MED9: variants seen among roughly 807,000 people sequenced by gnomAD.
The protein encoded by MED9 is mediator of RNA polymerase II transcription subunit 9.
In MED9, 8 loss-of-function variants were observed where a neutral mutation model predicts 13.2. The observed-to-expected ratio is 0.61, with a 90% CI of 0.36 to 1.10. The LOEUF is 1.10. Among genes scored for constraint, MED9 ranks in the 50% least tolerant of loss-of-function variants. MED9 has a pLI of 0.02. For missense variants in MED9, 180 were observed against 193.4 expected (o/e 0.93, Z 0.41); for synonymous variants, 87 against 82.8 (o/e 1.05, Z -0.28).
intron 1 of MED9, chr17:17,485,469 A>G: frequency 2.6e-6 from 1 of 386,846 alleles, no homozygotes; most frequent in Non-Finnish European, 4.6e-6. Context: ...AGAGGGGAGG[A>G]CCTGGGTCCA....
At chr17:17,480,964 G>T (rs2142470317) in intron 1 of MED9, among the ~76,000 whole-genome samples, 1 of 152,214 alleles carries the variant, frequency 6.6e-6, no homozygotes, top group East Asian at 1.9e-4. Context: ...AGGAAAGGGA[G>T]GCAGGAGGAA....
chr17:17,487,516 G>A (rs963222258), intron 1 of MED9: 10 of 157,504 alleles, frequency 6.3e-5, no homozygotes, highest in South Asian at 1.8e-4. Context: ...GAGCTGTAAC[G>A]CACACCGCGA....
At chr17:17,490,827 A>G (rs1215916240) in intron 1 of MED9, among the ~76,000 whole-genome samples, 1 of 152,244 alleles carries the variant, frequency 6.6e-6, no homozygotes, top group East Asian at 1.9e-4. Flanking sequence ...GTCGTATTTC[A>G]ACAAGTTTTG....
Position 17,479,519 on chromosome 17 carries a change from T to A in MED9, c.224+2254T>A, listed in dbSNP as rs1431785851. On this transcript the variant is annotated intron_variant, in intron 1 of 1. Transcript: ENST00000268711. ...ATCTAAAAGGACAGAGAAGGGAGTT[T>A]AAAAAAAAAAAAAAGCATAAAACCT... 9.0e-5 allele frequency among the ~76,000 whole-genome samples: 13 copies of A among 145,010 alleles called. No individual in the cohort carries two copies. In the South Asian group the frequency reaches 1.3e-3, roughly 15 times the overall value.
At chr17:17,489,482 G>GT (rs1362569631) in intron 1 of MED9, among the ~76,000 whole-genome samples, 2 of 152,100 alleles carry the variant, frequency 1.3e-5, no homozygotes, top group Non-Finnish European at 2.9e-5. Flanking sequence ...ATGTGAGTCG[G>GT]TTTTTTTAAA....
chr17:17,477,213 A>C lies in MED9; in HGVS notation c.172A>C (p.Arg58=), dbSNP rs201898953. The C allele has an allele frequency of 4.5e-5, 72 of 1,610,452 alleles. No individual in the cohort carries two copies. In the East Asian group the frequency reaches 1.1e-3, roughly 25 times the overall value. Reference sequence around the variant, plus strand: ...ACGGCCTCAGTCACCTGCCCGCGCGAGGGAGGAAGAGAACTACTCCTTTTT... The same window carrying C: ...ACGGCCTCAGTCACCTGCCCGCGCGCGGGAGGAAGAGAACTACTCCTTTTT... ...APRPQSPARA[R]EEENYSFLPL... is the part of the protein sequence containing the mutation. The change falls in exon 1 of 2, where the codon AGG becomes CGG. Residue 58 remains arginine (R), a synonymous_variant. Coordinates refer to ENST00000268711, the MANE Select transcript of MED9 (RefSeq NM_018019.3).
chr17:17,488,653 G>C (rs892796533), intron 1 of MED9, among the ~76,000 whole-genome samples: 2 of 152,160 alleles, frequency 1.3e-5, no homozygotes, highest in Admixed American at 1.3e-4. Context: ...GGCCAACGTG[G>C]AGAAACACCA....
At chr17:17,484,525 C>G (rs1346075504) in intron 1 of MED9, among the ~76,000 whole-genome samples, 1 of 152,274 alleles carries the variant, frequency 6.6e-6, no homozygotes, top group Non-Finnish European at 1.5e-5. Flanking sequence ...GAGACCCGTT[C>G]CCGGGTTGTG....
rs1466757286 is a variant in MED9 at position 17,492,272 on chromosome 17, G to A, written c.*777G>A. The A allele has an allele frequency of 6.6e-6, 1 of 152,494 alleles. No individual in the cohort carries two copies. Among genetic ancestry groups the A allele is most frequent in the Admixed American group, 6.5e-5 (1 of 15,292 alleles). 9.4% of individuals were successfully genotyped at this position (152,494 alleles called of 1,614,324 possible). On this transcript the variant is annotated 3_prime_UTR_variant, in exon 2 of 2. Coordinates refer to ENST00000268711, the MANE Select transcript of MED9 (RefSeq NM_018019.3). ...TTCACATCTGCAGTGCTTCCCCAGGGTTGACAAGGGGCCGTCCTTTCCACA... is the reference window on the plus strand; with the variant it reads ...TTCACATCTGCAGTGCTTCCCCAGGATTGACAAGGGGCCGTCCTTTCCACA...
At chr17:17,481,377 CAG>C (rs1156858155) in intron 1 of MED9, among the ~76,000 whole-genome samples, 2 of 152,148 alleles carry the variant, frequency 1.3e-5, no homozygotes, top group South Asian at 2.1e-4. Context: ...ATAAAGAATT[CAG>C]AGTTTTTGAA....
At chr17:17,488,383 AC>A (rs1905173318) in intron 1 of MED9, 1 of 152,268 alleles carries the variant, frequency 6.6e-6, no homozygotes, top group South Asian at 2.1e-4. Context: ...AAAAAGAAGA[AC>A]AAAGAAAATC....
chr17:17,477,907 C>T (rs1326337887), intron 1 of MED9, among the ~76,000 whole-genome samples: 1 of 152,216 alleles, frequency 6.6e-6, no homozygotes, highest in Non-Finnish European at 1.5e-5. Context: ...TTTGGCCAGC[C>T]TTCAGGGTAG....
In MED9 at chr17:17,491,582, C is replaced by A; in HGVS notation, c.*87C>A. On this transcript the variant is annotated 3_prime_UTR_variant, in exon 2 of 2. Coordinates refer to ENST00000268711, the MANE Select transcript of MED9 (RefSeq NM_018019.3). ...CCAAACGCTCCTTGGGGCGTGGTTC[C>A]TGTGGACCCCAGCTCAGCTCGTCAA... is the stretch of plus-strand genomic sequence containing the variant. 2 of 1,259,998 alleles carry A rather than the reference C, an allele frequency of 1.6e-6. No individual in the cohort carries two copies. Among genetic ancestry groups the A allele is most frequent in the Admixed American group, 3.7e-5 (2 of 53,938 alleles). 78.1% of individuals were successfully genotyped at this position (1,259,998 alleles called of 1,614,324 possible).
rs899213892 is a variant in MED9, at chr17:17,492,971, T to A, written c.*1476T>A. 6.6e-6 allele frequency: 1 copy of A among 152,242 alleles called. No homozygotes were observed. Among genetic ancestry groups the A allele is most frequent in the African/African-American group, 2.4e-5 (1 of 41,460 alleles). 9.4% of individuals were successfully genotyped at this position (152,242 alleles called of 1,614,324 possible). On this transcript the variant is annotated 3_prime_UTR_variant, in exon 2 of 2. Coordinates refer to ENST00000268711, the MANE Select transcript of MED9 (RefSeq NM_018019.3). ...ACCAGGTCTACCTTGGGACTGTTAT[T>A]TAACTGAATCAGTTATTTCCTTGAA...
At chr17:17,486,461 C>G (rs931416937) in intron 1 of MED9, 1 of 153,132 alleles carries the variant, frequency 6.5e-6, no homozygotes, top group Non-Finnish European at 1.5e-5. Context: ...CCGGCCAGCT[C>G]TGCTGGCCCC....
intron 1 of MED9, chr17:17,487,396 G>A (rs942052986): frequency 6.3e-6 from 1 of 158,430 alleles, no homozygotes; most frequent in African/African-American, 2.4e-5. Context: ...GGTCCACGCT[G>A]CTTTTATGAG....
rs1230003469 is a variant in MED9, at chr17:17,483,720, C to T, written c.224+6455C>T. ...TTGGGAGGCCGAGGCGGGTGGATCACGAGGTCAGGAGATCGAGACCATCCT... is the reference window on the plus strand; with the variant it reads ...TTGGGAGGCCGAGGCGGGTGGATCATGAGGTCAGGAGATCGAGACCATCCT... On this transcript the variant is annotated intron_variant, in intron 1 of 1. Coordinates refer to ENST00000268711, the MANE Select transcript of MED9 (RefSeq NM_018019.3). The surrounding 1 kb of genome is among the most constrained non-coding windows in gnomAD (Gnocchi z 4.2). 7.2e-5 allele frequency among the ~76,000 whole-genome samples: 11 copies of T among 152,220 alleles called. No homozygotes were observed. The highest frequency in any genetic ancestry group is 1.9e-4 in the East Asian group (1 of 5,180).
In MED9 at chr17:17,491,429, C is replaced by T. The variant is rs1244610706; in HGVS notation, c.375C>T (p.Val125=). The T allele has an allele frequency of 1.2e-6, 2 of 1,613,994 alleles. No individual in the cohort carries two copies. The highest frequency in any genetic ancestry group is 1.7e-5 in the Admixed American group (1 of 60,014). The change falls in exon 2 of 2, where the codon GTC becomes GTT. Residue 125 remains valine (V), a synonymous_variant. Coordinates refer to ENST00000268711, the MANE Select transcript of MED9 (RefSeq NM_018019.3). Reference sequence around the variant, plus strand: ...AGCTGCAGAGCCTCCGGGAGCAAGTCAGGACCAAGAATGAGCTTCTGCAAA... The same window carrying T: ...AGCTGCAGAGCCTCCGGGAGCAAGTTAGGACCAAGAATGAGCTTCTGCAAA... ...QQQLQSLREQ[V]RTKNELLQKY...
intron 1 of MED9, among the ~76,000 whole-genome samples, chr17:17,490,012 T>C (rs1029810645): frequency 2.0e-5 from 3 of 152,216 alleles, no homozygotes; most frequent in Non-Finnish European, 4.4e-5. Context: ...TTTGAAAAAA[T>C]TAATGATCAT....
Sources: allele counts gnomAD v4.1 joint callset (sites outside exome capture counted in the v4.1 genomes callset), GRCh38; gene constraint gnomAD v4.1.1; non-coding constraint Gnocchi (gnomAD v3.1); transcripts MANE v1.5; gene names NCBI Gene and HGNC (gene_info 2026-07-23, HGNC 2026-07-21).